The following PDE1C variants were observed in gnomAD, a reference collection of about 807,000 sequenced individuals.
PDE1C encodes dual specificity calcium/calmodulin-dependent 3',5'-cyclic nucleotide phosphodiesterase 1C.
A neutral mutation model predicts 93.1 loss-of-function variants in PDE1C; 62 were observed. The observed-to-expected ratio is 0.67, with a 90% confidence interval of 0.54 to 0.82. PDE1C has a LOEUF of 0.82. Ranked by LOEUF, PDE1C falls within the 40% of genes least tolerant of loss-of-function variation. The pLI, the probability that PDE1C is intolerant of heterozygous loss-of-function variation, is 0.00. For missense variants in PDE1C, 742 were observed against 884.6 expected (o/e 0.84, Z 2.04); for synonymous variants, 325 against 310.1 (o/e 1.05, Z -0.50).
chr7:32,300,063 T>C (rs1812844305), upstream of PDE1C, among the ~76,000 whole-genome samples: 1 of 152,076 alleles, frequency 6.6e-6, no homozygotes, highest in African/African-American at 2.4e-5. Flanking sequence ...GCTCCACATA[T>C]CTTCAGAATC....
At chr7:31,804,272 C>T (rs757292134) in intron 16 of PDE1C, among the ~76,000 whole-genome samples, 2 of 151,820 alleles carry the variant, frequency 1.3e-5, no homozygotes, top group Admixed American at 6.6e-5. Context: ...ATGACTAAAG[C>T]AAGACAAATA....
At chr7:31,876,221 A>T (rs910150976) in intron 5 of PDE1C, among the ~76,000 whole-genome samples, 1 of 152,172 alleles carries the variant, frequency 6.6e-6, no homozygotes, top group South Asian at 2.1e-4. Context: ...TAAACAGGGG[A>T]CATAGCCAAG....
chr7:31,898,757 G>A (rs1799615976), intron 2 of PDE1C, among the ~76,000 whole-genome samples: 1 of 152,184 alleles, frequency 6.6e-6, no homozygotes, highest in Non-Finnish European at 1.5e-5. Context: ...CAGAACGTGA[G>A]CGTGGCTACC....
At chr7:31,639,697 C>T in the PDE1C span, among the ~76,000 whole-genome samples, 88 of 151,872 alleles carry the variant, frequency 5.8e-4, no homozygotes, top group East Asian at 5.4e-3. Context: ...CCACCATGCC[C>T]GGCTAATTTT....
chr7:31,684,015 T>C, the PDE1C span, among the ~76,000 whole-genome samples: 1 of 152,190 alleles, frequency 6.6e-6, no homozygotes, highest in Non-Finnish European at 1.5e-5. Flanking sequence ...GGGAGCGCTG[T>C]AGGCTGAGGG....
intron 1 of PDE1C, among the ~76,000 whole-genome samples, chr7:32,396,306 C>T (rs215727): frequency 0.54 from 82,079 of 151,762 alleles, 23,140 homozygotes; most frequent in East Asian, 0.89. Context: ...TGGCAAAACC[C>T]TGTCTCTATA....
At position 32,280,927 on chromosome 7, in the gene PDE1C, G is replaced by A. The variant is rs138562334; in HGVS notation, c.85+17724C>T. On this transcript the variant is annotated intron_variant, in intron 1 of 18. Coordinates refer to the PDE1C transcript ENST00000396193. ...TAGAACCAAGAAGTTTGAGGCTACC[G>A]TGAGCTATGATCATGCCACCACACT... Among the ~76,000 whole-genome samples the A allele has an allele frequency of 4.5e-4, 69 of 152,272 alleles. 1 individual carries two copies. Among genetic ancestry groups the A allele is most frequent in the African/African-American group, 1.6e-3 (67 of 41,562 alleles).
chr7:31,904,180 C>T (rs1800309094), intron 2 of PDE1C, among the ~76,000 whole-genome samples: 1 of 152,066 alleles, frequency 6.6e-6, no homozygotes. Context: ...AATGCCTGTC[C>T]TTTCAGCTAC....
At chr7:31,722,272 A>G in the PDE1C span, among the ~76,000 whole-genome samples, 1 of 152,146 alleles carries the variant, frequency 6.6e-6, no homozygotes. Context: ...GCTCAAACAC[A>G]TTAGTTCTGA....
chr7:31,799,492 G>A (rs1562819175), intron 16 of PDE1C, among the ~76,000 whole-genome samples: 1 of 151,612 alleles, frequency 6.6e-6, no homozygotes, highest in Admixed American at 6.6e-5. Flanking sequence ...AAAGCTCAGA[G>A]TCATCCATTC....
intron 16 of PDE1C, among the ~76,000 whole-genome samples, chr7:31,782,661 A>G (rs554493759): frequency 6.6e-6 from 1 of 152,316 alleles, no homozygotes; most frequent in Non-Finnish European, 1.5e-5. Context: ...AAGGATGTAA[A>G]CCACTTTTAT....
chr7:31,917,421 T>C (rs1802065135), intron 2 of PDE1C, among the ~76,000 whole-genome samples: 1 of 152,150 alleles, frequency 6.6e-6, no homozygotes, highest in Admixed American at 6.5e-5. Flanking sequence ...AACCTGAGTA[T>C]AAATGAGTCA....
At chr7:31,772,873 C>T (rs182163659) in intron 17 of PDE1C, among the ~76,000 whole-genome samples, 8 of 152,354 alleles carry the variant, frequency 5.3e-5, no homozygotes, top group South Asian at 4.1e-4. Flanking sequence ...ATCTCTTCTA[C>T]AGCTATGAGA....
the PDE1C span, among the ~76,000 whole-genome samples, chr7:31,650,301 A>G: frequency 6.6e-6 from 1 of 152,136 alleles, no homozygotes; most frequent in Non-Finnish European, 1.5e-5. Flanking sequence ...CAGGCTTTTT[A>G]TTGGGGGATG....
intron 2 of PDE1C, among the ~76,000 whole-genome samples, chr7:32,027,370 G>T (rs919467018): frequency 6.6e-6 from 1 of 151,966 alleles, no homozygotes. Context: ...AATCTTCAGA[G>T]ACTGACAAAA....
intron 2 of PDE1C, among the ~76,000 whole-genome samples, chr7:32,036,879 G>A (rs890443849): frequency 3.9e-5 from 6 of 152,086 alleles, no homozygotes; most frequent in Non-Finnish European, 7.4e-5. Flanking sequence ...GCTCTCACTC[G>A]GACCTACCAA....
chr7:32,177,448 AAT>A (rs1193965628), intron 2 of PDE1C, among the ~76,000 whole-genome samples: 1 of 152,056 alleles, frequency 6.6e-6, no homozygotes, highest in Non-Finnish European at 1.5e-5. Flanking sequence ...ACCCAATAAT[AAT>A]ATGTCTGAGT....
chr7:31,827,359 C>T (rs547578166), intron 12 of PDE1C, among the ~76,000 whole-genome samples: 1 of 152,246 alleles, frequency 6.6e-6, no homozygotes, highest in South Asian at 2.1e-4. Flanking sequence ...AATATTATCC[C>T]TTAATAAACC....
In PDE1C at chr7:31,824,945, G is replaced by T; in HGVS notation, c.1328C>A (p.Thr443Lys). The T allele has an allele frequency of 1.2e-6, 2 of 1,613,344 alleles. No homozygotes were observed. The highest frequency in any genetic ancestry group is 1.7e-6 in the Non-Finnish European group (2 of 1,179,484). Residue 443 changes from threonine to lysine, a missense_variant, in exon 13 of 18, where the codon ACG becomes AAG. This residue lies in a region of PDE1C where 454 missense variants were observed against 459.4 expected (regional missense o/e 0.99). Coordinates refer to ENST00000396191, the MANE Select transcript of PDE1C (RefSeq NM_001191057.4). Reference protein sequence around the residue: ...FIVEPTFTVLTDMTEKIVSPL... With the variant: ...FIVEPTFTVLKDMTEKIVSPL... Reference sequence around the variant, plus strand: ...ACTCACAATCTTCTCGGTCATGTCCGTAAGCACAGTGAAGGTGGGTTCCAC... The same window carrying T: ...ACTCACAATCTTCTCGGTCATGTCCTTAAGCACAGTGAAGGTGGGTTCCAC...
Sources: allele counts gnomAD v4.1 joint callset (sites outside exome capture counted in the v4.1 genomes callset), GRCh38; gene constraint gnomAD v4.1.1; regional missense constraint gnomAD v4.1.1; transcripts MANE v1.5; gene names NCBI Gene and HGNC (gene_info 2026-07-23, HGNC 2026-07-21).